Variants in SHANK2 observed in about 807,000 individuals in gnomAD.
SHANK2 encodes the protein SH3 and multiple ankyrin repeat domains protein 2.
In SHANK2, 43 loss-of-function variants were observed where a neutral mutation model predicts 133.7. The observed-to-expected ratio is 0.32, with a 90% CI of 0.25 to 0.41. The LOEUF (loss-of-function observed/expected upper bound fraction) is 0.41, where lower values mean the gene tolerates loss of function less well. Ranked by LOEUF, SHANK2 falls within the 10% of genes least tolerant of loss-of-function variation. The pLI is 1.00. For synonymous variants in SHANK2, 1,017 were observed against 952.8 expected, an observed-to-expected ratio of 1.07 and a Z score of -1.24; for missense variants, 1,994 against 2,235.8, an observed-to-expected ratio of 0.89 and a Z score of 2.18.
intron 2 of SHANK2, among the ~76,000 whole-genome samples, chr11:71,148,822 T>A (rs1376773418): frequency 7.2e-5 from 11 of 152,180 alleles, no homozygotes; most frequent in African/African-American, 2.2e-4. Flanking sequence ...TCAAACCACA[T>A]ACTATCATTT....
intron 14 of SHANK2, among the ~76,000 whole-genome samples, chr11:70,703,946 G>A (rs939362035): frequency 6.6e-6 from 1 of 152,222 alleles, no homozygotes; most frequent in Non-Finnish European, 1.5e-5. Context: ...GTTCCCATGG[G>A]AGCCTGGCTG....
chr11:70,482,398 C>A (rs377108004), intron 25 of SHANK2, among the ~76,000 whole-genome samples: 4 of 152,220 alleles, frequency 2.6e-5, no homozygotes, highest in African/African-American at 9.6e-5. Flanking sequence ...GCCCCGCCCG[C>A]GGCAGTCTCA....
chr11:71,151,758 A>T (rs1306411387), intron 2 of SHANK2, among the ~76,000 whole-genome samples: 2 of 151,654 alleles, frequency 1.3e-5, no homozygotes, highest in African/African-American at 2.4e-5. Flanking sequence ...GCCCCAGCTC[A>T]GGTCAGATAA....
chr11:70,733,154 G>A (rs573398387), intron 14 of SHANK2, among the ~76,000 whole-genome samples: 2 of 152,280 alleles, frequency 1.3e-5, no homozygotes, highest in Admixed American at 1.3e-4. Flanking sequence ...TGCCGGGAGA[G>A]GACTTTGCTT....
rs572985371 is a variant in SHANK2, at chr11:70,780,905, TTTTTG to T, written c.1777+17533_1777+17537del. ...ACAGAACTTCTGTTTCACAATAGTTTTTTTGTTTTGTGTTTTTGTTGTTGTTGTTT... is the reference window on the plus strand; with the variant it reads ...ACAGAACTTCTGTTTCACAATAGTTTTTTTGTGTTTTTGTTGTTGTTGTTT... On this transcript the variant is annotated intron_variant, in intron 14 of 25. Transcript: ENST00000601538. Among the ~76,000 whole-genome samples, 16 of 152,248 alleles carry T rather than the reference TTTTTG, an allele frequency of 1.1e-4. No homozygotes were observed. In the East Asian group the frequency reaches 3.1e-3, roughly 29 times the overall value.
intron 2 of SHANK2, among the ~76,000 whole-genome samples, chr11:71,215,814 A>G (rs1262222784): frequency 6.6e-6 from 1 of 152,226 alleles, no homozygotes; most frequent in Non-Finnish European, 1.5e-5. Flanking sequence ...CTGTAGTCAG[A>G]CCACAACCTT....
intron 14 of SHANK2, among the ~76,000 whole-genome samples, chr11:70,733,705 G>C (rs1555032789): frequency 6.6e-6 from 1 of 152,214 alleles, no homozygotes; most frequent in African/African-American, 2.4e-5. Flanking sequence ...CATGGAGAGG[G>C]GGGTGGCAGG....
chr11:71,135,781 G>A (rs553122582), intron 3 of SHANK2, among the ~76,000 whole-genome samples: 2 of 152,258 alleles, frequency 1.3e-5, no homozygotes, highest in South Asian at 4.1e-4. Flanking sequence ...TTTATCCTCA[G>A]ACCGGGAAGA....
At chr11:71,178,502 C>T (rs936143155) in intron 2 of SHANK2, among the ~76,000 whole-genome samples, 4 of 152,136 alleles carry the variant, frequency 2.6e-5, no homozygotes, top group African/African-American at 9.7e-5. Context: ...TGGGTATAGA[C>T]AGAGTGGTGG....
chr11:70,642,971 T>A (rs1231296278), intron 17 of SHANK2, among the ~76,000 whole-genome samples: 2 of 152,152 alleles, frequency 1.3e-5, no homozygotes, highest in African/African-American at 4.8e-5. Context: ...AAGAAATACA[T>A]GTTGGAGGTG....
rs1304626066 is a variant in SHANK2 at position 70,535,444 on chromosome 11, A to G, written c.2062-32513T>C. On this transcript the variant is annotated intron_variant, in intron 17 of 25. Transcript: ENST00000601538. The surrounding 1 kb of genome is among the most constrained non-coding windows in gnomAD (Gnocchi z 4.3). ...TCCATCCATCCATCTGCCATCATCC[A>G]TCAGTCCAACCATCAGTCCGTCCGT... 1.3e-5 allele frequency among the ~76,000 whole-genome samples: 2 copies of G among 151,914 alleles called. No homozygotes were observed. Among genetic ancestry groups the G allele is most frequent in the East Asian group, 3.9e-4 (2 of 5,180 alleles).
At chr11:71,150,022 G>A (rs553623247) in intron 2 of SHANK2, among the ~76,000 whole-genome samples, 13 of 17,380 alleles carry the variant, frequency 7.5e-4, no homozygotes, top group Non-Finnish European at 1.3e-3. Context: ...AAGGGAGGGA[G>A]GGAGAGGAAA....
In SHANK2 at chr11:70,863,367, T is replaced by C. The variant is rs189585902; in HGVS notation, c.1174+33134A>G. On this transcript the variant is annotated intron_variant, in intron 11 of 25. Coordinates refer to ENST00000601538, the MANE Select transcript of SHANK2 (RefSeq NM_012309.5). Reference sequence around the variant, plus strand: ...GCTCCCCGAACACAGCCCGACCTCATCCTGGTTCATCCAGTGCTGGCCCTG... The same window carrying C: ...GCTCCCCGAACACAGCCCGACCTCACCCTGGTTCATCCAGTGCTGGCCCTG... 9.0e-4 allele frequency: 412 copies of C among 457,948 alleles called. 1 individual carries two copies. Among genetic ancestry groups the C allele is most frequent in the Middle Eastern group, 1.6e-3 (5 of 3,080 alleles). The allele number at this position is 457,948 out of a possible 1,614,324, so 28.4% of individuals were successfully genotyped here. A position where few individuals can be genotyped will look rare whatever the true frequency, so the allele number is the denominator to read the frequency against.
At chr11:70,708,543 C>G (rs1355353300) in intron 14 of SHANK2, among the ~76,000 whole-genome samples, 3 of 152,194 alleles carry the variant, frequency 2.0e-5, no homozygotes, top group African/African-American at 7.2e-5. Context: ...AATGACCAGA[C>G]AGAGGGCACT....
intron 11 of SHANK2, among the ~76,000 whole-genome samples, chr11:70,833,012 C>A (rs368895013): frequency 3.6e-4 from 55 of 152,116 alleles, no homozygotes; most frequent in African/African-American, 1.2e-3. Context: ...TCAGCGTCCT[C>A]ACTGCATTTG....
intron 1 of SHANK2, among the ~76,000 whole-genome samples, chr11:71,251,511 C>G (rs1383298091): frequency 2.0e-5 from 3 of 151,736 alleles, no homozygotes; most frequent in East Asian, 3.9e-4. Flanking sequence ...CCGGGGCCAC[C>G]CGGTGGAGGC....
intron 3 of SHANK2, among the ~76,000 whole-genome samples, chr11:71,119,495 G>A (rs565719283): frequency 2.0e-5 from 3 of 150,208 alleles, no homozygotes; most frequent in South Asian, 4.2e-4. Flanking sequence ...CAGGAGAATC[G>A]CTTGAATCAG....
chr11:70,689,543 T>G (rs183051627), intron 15 of SHANK2, among the ~76,000 whole-genome samples: 1 of 152,196 alleles, frequency 6.6e-6, no homozygotes, highest in Admixed American at 6.5e-5. Flanking sequence ...TACAAACTTC[T>G]AGGGAGGAAA....
chr11:70,806,531 C>T (rs1948164422), intron 13 of SHANK2, among the ~76,000 whole-genome samples: 1 of 152,240 alleles, frequency 6.6e-6, no homozygotes, highest in Non-Finnish European at 1.5e-5. Context: ...CTTCTCAACG[C>T]TGGTTCTCAG....
Sources: gnomAD v4.1 joint callset for allele counts (sites outside exome capture counted in the v4.1 genomes callset) on GRCh38, gnomAD v4.1.1 for gene constraint, Gnocchi (gnomAD v3.1) non-coding constraint, MANE v1.5 for transcripts, NCBI Gene and HGNC (gene_info 2026-07-23, HGNC 2026-07-21) for gene names.